TCF4: variants seen among roughly 807,000 people sequenced by gnomAD.
TCF4 encodes SL3-3 enhancer factor 2.
In TCF4, 3 loss-of-function variants were observed where a neutral mutation model predicts 82.1. The observed-to-expected ratio is 0.04, with a 90% confidence interval of 0.02 to 0.09. TCF4 has a LOEUF of 0.09. TCF4 is among the 10% of genes least tolerant of loss of function. The pLI is 1.00. For missense variants in TCF4, 518 were observed against 852.7 expected (o/e 0.61, Z 4.89); for synonymous variants, 276 against 309.6 (o/e 0.89, Z 1.14).
At chr18:55,345,702 C>G (rs958260299) in intron 8 of TCF4, among the ~76,000 whole-genome samples, 2 of 152,092 alleles carry the variant, frequency 1.3e-5, no homozygotes, top group African/African-American at 4.8e-5. Flanking sequence ...TTACGTCTTA[C>G]CACACAATCG....
intron 2 of TCF4, among the ~76,000 whole-genome samples, chr18:55,617,760 C>CTTTAATG (rs1242595282): frequency 6.6e-6 from 1 of 151,216 alleles, no homozygotes; most frequent in East Asian, 1.9e-4. Flanking sequence ...ACAACCGGCT[C>CTTTAATG]TTTAATGCTG....
chr18:55,536,990 C>T (rs559507427), intron 3 of TCF4, among the ~76,000 whole-genome samples: 29 of 151,932 alleles, frequency 1.9e-4, no homozygotes, highest in East Asian at 5.8e-4. Flanking sequence ...GAAAATTAGC[C>T]GGGTGTGGTG....
At chr18:55,309,798 G>A (rs1395537982) in intron 8 of TCF4, among the ~76,000 whole-genome samples, 2 of 152,028 alleles carry the variant, frequency 1.3e-5, no homozygotes, top group Admixed American at 6.6e-5. Context: ...ATTATTCAGA[G>A]GGACATATGG....
chr18:55,513,214 T>C (rs1399572546), intron 3 of TCF4, among the ~76,000 whole-genome samples: 1 of 152,176 alleles, frequency 6.6e-6, no homozygotes, highest in Non-Finnish European at 1.5e-5. Context: ...AGGAAAACTA[T>C]TCCTTTTACT....
At chr18:55,375,857 A>T (rs564601034) in intron 6 of TCF4, among the ~76,000 whole-genome samples, 1 of 152,224 alleles carries the variant, frequency 6.6e-6, no homozygotes, top group Admixed American at 6.5e-5. Flanking sequence ...TTTTACAAAT[A>T]GGGAGTAGGA....
intron 15 of TCF4, among the ~76,000 whole-genome samples, chr18:55,238,824 CTT>C (rs2050321568): frequency 6.6e-6 from 1 of 151,348 alleles, no homozygotes; most frequent in Non-Finnish European, 1.5e-5. Flanking sequence ...CTAATTTCCT[CTT>C]TGTCTTTGTA....
intron 5 of TCF4, among the ~76,000 whole-genome samples, chr18:55,449,318 T>C (rs1424876974): frequency 2.6e-5 from 4 of 152,122 alleles, no homozygotes; most frequent in Admixed American, 2.0e-4. Context: ...CAAATAATAT[T>C]TGTAAGACCA....
intron 3 of TCF4, among the ~76,000 whole-genome samples, chr18:55,523,478 G>C (rs1443177032): frequency 6.6e-6 from 1 of 151,790 alleles, no homozygotes; most frequent in African/African-American, 2.4e-5. Flanking sequence ...CAATAAGTAT[G>C]AATTTATTTA....
intron 5 of TCF4, chr18:55,422,284 T>C: frequency 4.1e-6 from 4 of 985,420 alleles, no homozygotes; most frequent in Non-Finnish European, 4.8e-6. Context: ...AATAAACTGT[T>C]GTGGCGTGAA....
intron 3 of TCF4, among the ~76,000 whole-genome samples, chr18:55,571,036 T>C (rs1045503597): frequency 3.3e-5 from 5 of 152,162 alleles, no homozygotes; most frequent in Admixed American, 1.3e-4. Context: ...CCTGCCATGC[T>C]GGACTTTCAT....
At chr18:55,401,358 T>C in intron 6 of TCF4, 1 of 1,122,778 alleles carries the variant, frequency 8.9e-7, no homozygotes. Flanking sequence ...CTTGCAAGAC[T>C]CACAACCATG....
At chr18:55,347,261 G>A (rs927505601) in intron 8 of TCF4, among the ~76,000 whole-genome samples, 5 of 152,022 alleles carry the variant, frequency 3.3e-5, no homozygotes, top group African/African-American at 4.8e-5. Flanking sequence ...AATACGAACC[G>A]AGAAGATAAA....
chr18:55,287,199 C>G (rs2063888316), intron 8 of TCF4, among the ~76,000 whole-genome samples: 1 of 152,090 alleles, frequency 6.6e-6, no homozygotes, highest in Admixed American at 6.5e-5. Flanking sequence ...GAATGCACCA[C>G]AAAAATCTAT....
chr18:55,292,761 C>T (rs944518728), intron 8 of TCF4, among the ~76,000 whole-genome samples: 6 of 151,362 alleles, frequency 4.0e-5, no homozygotes, highest in South Asian at 2.1e-4. Flanking sequence ...TACATATATA[C>T]GTATATATGT....
intron 6 of TCF4, among the ~76,000 whole-genome samples, chr18:55,392,272 G>A (rs1027242484): frequency 6.6e-6 from 1 of 151,372 alleles, no homozygotes; most frequent in African/African-American, 2.4e-5. Context: ...GCCCAAAGAA[G>A]GAAATTCTTT....
At chr18:55,429,623 T>C (rs1019802882) in intron 5 of TCF4, among the ~76,000 whole-genome samples, 2 of 151,870 alleles carry the variant, frequency 1.3e-5, no homozygotes, top group African/African-American at 4.8e-5. Context: ...TAGCCGGGCA[T>C]GGTGGTGGGC....
chr18:55,381,876 G>T (rs1026195217), intron 6 of TCF4, among the ~76,000 whole-genome samples: 15 of 149,962 alleles, frequency 1.0e-4, no homozygotes, highest in Non-Finnish European at 1.9e-4. Flanking sequence ...AGCTGGATTT[G>T]ATGATCTTTA....
chr18:55,393,132 AG>A (rs1324337370), intron 6 of TCF4, among the ~76,000 whole-genome samples: 1 of 152,220 alleles, frequency 6.6e-6, no homozygotes, highest in Non-Finnish European at 1.5e-5. Context: ...TGGAAAGTCT[AG>A]GTAGAAGGAT....
chr18:55,375,283 T>A (rs2145701762), intron 6 of TCF4, among the ~76,000 whole-genome samples: 1 of 152,072 alleles, frequency 6.6e-6, no homozygotes, highest in East Asian at 1.9e-4. Flanking sequence ...TTTGAGAGGA[T>A]GATTTAAAGT....
Sources: allele counts gnomAD v4.1 joint callset (sites outside exome capture counted in the v4.1 genomes callset), GRCh38; gene constraint gnomAD v4.1.1; transcripts MANE v1.5; gene names NCBI Gene and HGNC (gene_info 2026-07-23, HGNC 2026-07-21).